The following MTSS1 variants were observed in gnomAD, a reference collection of about 807,000 sequenced individuals.
MTSS1 encodes the protein protein MTSS 1.
MTSS1 carries 18 observed loss-of-function variants against 79.0 expected under a neutral mutation model. The ratio of observed to expected loss-of-function variants is 0.23; its 90% confidence interval spans 0.16 to 0.34. The LOEUF (loss-of-function observed/expected upper bound fraction) is 0.34, where lower values mean the gene tolerates loss of function less well. Among genes scored for constraint, MTSS1 ranks in the 10% least tolerant of loss-of-function variants. The probability of loss-of-function intolerance (pLI) is 1.00; values close to 1 mark genes in which losing one functional copy is unlikely to be tolerated. For missense variants in MTSS1, 815 were observed against 986.2 expected (o/e 0.83, Z 2.33); for synonymous variants, 341 against 368.6 (o/e 0.93, Z 0.86).
At chr8:124,672,891 G>GCA (rs555876492) in intron 3 of MTSS1, among the ~76,000 whole-genome samples, 123 of 150,294 alleles carry the variant, frequency 8.2e-4, no homozygotes, top group Middle Eastern at 3.4e-3. Flanking sequence ...ACACACACAT[G>GCA]CACACACACA....
At chr8:124,611,328 A>G (rs886911115) in intron 3 of MTSS1, among the ~76,000 whole-genome samples, 1 of 152,246 alleles carries the variant, frequency 6.6e-6, no homozygotes, top group African/African-American at 2.4e-5. Context: ...AAAAGTGGAT[A>G]CAAGCCCCAC....
At chr8:124,561,559 A>G (rs1266279163) in intron 10 of MTSS1, among the ~76,000 whole-genome samples, 9 of 152,090 alleles carry the variant, frequency 5.9e-5, no homozygotes, top group Non-Finnish European at 1.5e-5. Context: ...GTTCTACCCC[A>G]TCCACACTCA....
intron 3 of MTSS1, among the ~76,000 whole-genome samples, chr8:124,697,596 C>T (rs921085963): frequency 6.6e-6 from 1 of 151,142 alleles, no homozygotes; most frequent in Non-Finnish European, 1.5e-5. Flanking sequence ...AAAAAAAAAA[C>T]CCTATACTGA....
chr8:124,713,936 TG>T (rs1831536769), intron 1 of MTSS1, among the ~76,000 whole-genome samples: 2 of 149,712 alleles, frequency 1.3e-5, no homozygotes, highest in Admixed American at 1.3e-4. Context: ...TTAGTAGAGA[TG>T]GGTTTTGCCA....
In MTSS1 at chr8:124,674,670, G is replaced by C. The variant is rs115696870; in HGVS notation, c.208+24856C>G. ...GATTACATTTATTAAACCTCTCCCA[G>C]GCACTGCACAATCTGGTTAAAAACT... On this transcript the variant is annotated intron_variant, in intron 3 of 13. Transcript: ENST00000518547. Among the ~76,000 whole-genome samples, 1,141 of 152,002 alleles carry C rather than the reference G, an allele frequency of 7.5e-3. 10 individuals are homozygous for C. Among genetic ancestry groups the C allele is most frequent in the Middle Eastern group, 0.027 (8 of 294 alleles).
chr8:124,660,673 G>A (rs1186053010), intron 3 of MTSS1, among the ~76,000 whole-genome samples: 1 of 152,184 alleles, frequency 6.6e-6, no homozygotes, highest in Non-Finnish European at 1.5e-5. Context: ...GGAGGAATCA[G>A]AGCAGCCACA....
intron 6 of MTSS1, among the ~76,000 whole-genome samples, 155 bp downstream of exon 6, chr8:124,584,925 CTGCACTT>C (rs1830597738): frequency 6.6e-6 from 1 of 152,218 alleles, no homozygotes; most frequent in African/African-American, 2.4e-5. Context: ...AATACCTATT[CTGCACTT>C]TGAGAATGTG....
intron 3 of MTSS1, among the ~76,000 whole-genome samples, chr8:124,660,213 T>C (rs1045578277): frequency 1.3e-5 from 2 of 151,926 alleles, no homozygotes; most frequent in Non-Finnish European, 2.9e-5. Flanking sequence ...TTGTAGGAGA[T>C]GAAAAAGCAT....
At position 124,647,113 on chromosome 8, in the gene MTSS1, G is replaced by A. The variant is rs190160990; in HGVS notation, c.208+52413C>T. Among the ~76,000 whole-genome samples, 135 of 152,298 alleles carry A rather than the reference G, an allele frequency of 8.9e-4. 2 individuals are homozygous for A. Among genetic ancestry groups the A allele is most frequent in the Admixed American group, 5.4e-3 (83 of 15,290 alleles). On this transcript the variant is annotated intron_variant, in intron 3 of 13. Coordinates refer to ENST00000518547, the MANE Select transcript of MTSS1 (RefSeq NM_014751.6). ...GATCCTCCCGCCTCAGCTTCCCAAA[G>A]TTCTGGGATTACAAGCATGAGCCAC...
intron 1 of MTSS1, among the ~76,000 whole-genome samples, chr8:124,719,466 G>A (rs1270716326): frequency 8.5e-5 from 13 of 152,232 alleles, no homozygotes; most frequent in Admixed American, 8.5e-4. Context: ...ACAATCTTGG[G>A]CTGATCTCTA....
chr8:124,689,746 CAAAAAA>C (rs35782850), intron 3 of MTSS1, among the ~76,000 whole-genome samples: 1 of 94,332 alleles, frequency 1.1e-5, no homozygotes. Context: ...AACTCCATCT[CAAAAAA>C]AAAAAAAAAA....
At chr8:124,659,152 C>G (rs1459074978) in intron 3 of MTSS1, among the ~76,000 whole-genome samples, 1 of 148,708 alleles carries the variant, frequency 6.7e-6, no homozygotes, top group Non-Finnish European at 1.5e-5. Flanking sequence ...TGAGATATAA[C>G]CAGAATCATG....
chr8:124,709,555 A>G (rs887397875), intron 1 of MTSS1, among the ~76,000 whole-genome samples: 1 of 152,210 alleles, frequency 6.6e-6, no homozygotes, highest in Non-Finnish European at 1.5e-5. Context: ...AGCCCCCTGA[A>G]TTTCTTCAGA....
intron 5 of MTSS1, among the ~76,000 whole-genome samples, chr8:124,587,240 A>T (rs1182738286): frequency 6.6e-6 from 1 of 152,232 alleles, no homozygotes; most frequent in African/African-American, 2.4e-5. Flanking sequence ...TGCCTGACAA[A>T]TACTCAGCCA....
intron 6 of MTSS1, chr8:124,580,612 A>C: frequency 6.5e-7 from 1 of 1,532,160 alleles, no homozygotes; most frequent in Non-Finnish European, 8.7e-7. Context: ...AATTGACACA[A>C]AAAGGAAAAT....
At chr8:124,702,440 C>T (rs1829835903) in intron 2 of MTSS1, among the ~76,000 whole-genome samples, 1 of 152,176 alleles carries the variant, frequency 6.6e-6, no homozygotes, top group Admixed American at 6.5e-5. Context: ...GGCTTAAGTA[C>T]AGGACTTGAC....
In MTSS1 at chr8:124,591,160, T is replaced by A. The variant is rs367703974; in HGVS notation, c.284A>T (p.Gln95Leu). The A allele has an allele frequency of 5.0e-6, 8 of 1,614,096 alleles. No homozygotes were observed. Among genetic ancestry groups the A allele is most frequent in the Non-Finnish European group, 5.9e-6 (7 of 1,180,034 alleles). Residue 95 changes from glutamine to leucine, a missense_variant, in exon 4 of 14, where the codon CAG becomes CTG. Coordinates refer to ENST00000518547, the MANE Select transcript of MTSS1 (RefSeq NM_014751.6). ...AAAACATGCTCCTCACCTCGAAAAC[T>A]GCCTCAGCTTGGCTTCAATGCTTCT... ...RHRSIEAKLRQFSSALIDCLI... is the reference protein window; with the variant it reads ...RHRSIEAKLRLFSSALIDCLI...
chr8:124,650,518 C>T (rs1221965211), intron 3 of MTSS1, among the ~76,000 whole-genome samples: 1 of 152,010 alleles, frequency 6.6e-6, no homozygotes, highest in Non-Finnish European at 1.5e-5. Context: ...AGAGAAGCCG[C>T]GTTTCCTCGC....
At chr8:124,606,569 G>A (rs1347878101) in intron 3 of MTSS1, among the ~76,000 whole-genome samples, 1 of 152,144 alleles carries the variant, frequency 6.6e-6, no homozygotes, top group Admixed American at 6.5e-5. Flanking sequence ...TCGATAGCTA[G>A]AACTTTCAAC....
Sources: gnomAD v4.1 joint callset for allele counts (sites outside exome capture counted in the v4.1 genomes callset) on GRCh38, gnomAD v4.1.1 for gene constraint, MANE v1.5 for transcripts, NCBI Gene and HGNC (gene_info 2026-07-23, HGNC 2026-07-21) for gene names.